The following UNC5D variants were observed in gnomAD, a reference collection of about 807,000 sequenced individuals.
The protein encoded by UNC5D is netrin receptor UNC5D.
UNC5D carries 39 observed loss-of-function variants against 105.4 expected under a neutral mutation model. The observed-to-expected ratio is 0.37, with a 90% confidence interval of 0.29 to 0.48. The LOEUF is 0.48. Among genes scored for constraint, UNC5D ranks in the 20% least tolerant of loss-of-function variants. The pLI, the probability that UNC5D is intolerant of heterozygous loss-of-function variation, is 0.98. For synonymous variants in UNC5D, 452 were observed against 450.4 expected (o/e 1.00, Z -0.04); for missense variants, 991 against 1,202.4 (o/e 0.82, Z 2.60).
At chr8:35,475,526 C>T (rs1033790908) in intron 1 of UNC5D, among the ~76,000 whole-genome samples, 1 of 152,150 alleles carries the variant, frequency 6.6e-6, no homozygotes, top group Non-Finnish European at 1.5e-5. Context: ...TGTAGTCTTT[C>T]CCAGGGATTT....
At chr8:35,775,801 T>G (rs1802219336) in intron 16 of UNC5D, among the ~76,000 whole-genome samples, 1 of 152,128 alleles carries the variant, frequency 6.6e-6, no homozygotes, top group Non-Finnish European at 1.5e-5. Flanking sequence ...AACGAAGGGC[T>G]CAACTAGAAA....
At chr8:35,510,165 C>T (rs755094845) in intron 1 of UNC5D, among the ~76,000 whole-genome samples, 2 of 152,016 alleles carry the variant, frequency 1.3e-5, no homozygotes, top group Non-Finnish European at 2.9e-5. Context: ...TTCATTCCCT[C>T]TCTCCTCCCC....
At chr8:35,648,742 A>C (rs1159457883) in intron 4 of UNC5D, among the ~76,000 whole-genome samples, 6 of 151,182 alleles carry the variant, frequency 4.0e-5, no homozygotes, top group Non-Finnish European at 8.8e-5. Context: ...GTCAATAGTG[A>C]GATAGTTTGC....
At chr8:35,594,336 C>A (rs1484671625) in intron 3 of UNC5D, among the ~76,000 whole-genome samples, 1 of 152,132 alleles carries the variant, frequency 6.6e-6, no homozygotes, top group African/African-American at 2.4e-5. Flanking sequence ...TTGCTAAAGG[C>A]AAGTTTAATG....
At chr8:35,771,167 A>C (rs1188801653) in intron 15 of UNC5D, among the ~76,000 whole-genome samples, 1 of 152,206 alleles carries the variant, frequency 6.6e-6, no homozygotes, top group African/African-American at 2.4e-5. Flanking sequence ...ATCTCATATA[A>C]TACTTTATTC....
chr8:35,455,042 A>G (rs921661235), intron 1 of UNC5D, among the ~76,000 whole-genome samples: 1 of 152,136 alleles, frequency 6.6e-6, no homozygotes, highest in Non-Finnish European at 1.5e-5. Context: ...TTGACAATCT[A>G]GTAGATGGAA....
intron 7 of UNC5D, among the ~76,000 whole-genome samples, chr8:35,687,557 T>G (rs998119064): frequency 2.0e-5 from 3 of 152,064 alleles, no homozygotes; most frequent in African/African-American, 7.2e-5. Context: ...GTTTCAAAAT[T>G]CCCAAGTCTT....
chr8:35,419,749 A>G (rs1370222020), intron 1 of UNC5D, among the ~76,000 whole-genome samples: 1 of 152,132 alleles, frequency 6.6e-6, no homozygotes, highest in Non-Finnish European at 1.5e-5. Flanking sequence ...GTGAGAAGGG[A>G]GGATCACAGT....
chr8:35,289,247 TA>T (rs1314595562), intron 1 of UNC5D, among the ~76,000 whole-genome samples: 2 of 151,920 alleles, frequency 1.3e-5, no homozygotes, highest in African/African-American at 4.8e-5. Context: ...TAAAAAACAA[TA>T]AAAAGAGACA....
chr8:35,495,551 C>A (rs1200540031), intron 1 of UNC5D, among the ~76,000 whole-genome samples: 4 of 150,430 alleles, frequency 2.7e-5, no homozygotes, highest in Non-Finnish European at 4.4e-5. Context: ...AGCTGTCCTG[C>A]AGGTTGTGGG....
At chr8:35,239,291 A>G (rs370695531) in intron 1 of UNC5D, among the ~76,000 whole-genome samples, 1 of 152,150 alleles carries the variant, frequency 6.6e-6, no homozygotes, top group African/African-American at 2.4e-5. Context: ...TCAGGACTGG[A>G]TGACTGAATC....
chr8:35,385,462 CTTTTT>C (rs33929902), intron 1 of UNC5D, among the ~76,000 whole-genome samples: 9 of 84,634 alleles, frequency 1.1e-4, no homozygotes, highest in Admixed American at 3.9e-4. Flanking sequence ...CTACCTACCT[CTTTTT>C]TTTTTTTTTT....
At chr8:35,686,522 G>GGTTTTTTTTTTTT in intron 6 of UNC5D, 23 bp from the exon 7 acceptor site, 1 of 1,541,110 alleles carries the variant, frequency 6.5e-7, no homozygotes, top group Non-Finnish European at 8.7e-7. Context: ...TCTAACAATG[G>GGTTTTTTTTTTTT]TTTCTTTTGT....
intron 1 of UNC5D, among the ~76,000 whole-genome samples, chr8:35,339,413 C>T (rs756250137): frequency 6.6e-6 from 1 of 152,156 alleles, no homozygotes; most frequent in Non-Finnish European, 1.5e-5. Flanking sequence ...TGTAGTGGGA[C>T]TCATTTATTT....
chr8:35,240,097 G>A (rs560208578), intron 1 of UNC5D, among the ~76,000 whole-genome samples: 12 of 152,038 alleles, frequency 7.9e-5, no homozygotes, highest in African/African-American at 2.7e-4. Flanking sequence ...CATCACACCC[G>A]GCTCAGTAAT....
Position 35,790,629 on chromosome 8 carries a change from G to A in UNC5D, c.*66G>A. 6.4e-7 allele frequency: 1 copy of A among 1,559,742 alleles called. No individual in the cohort carries two copies. ...GACATTTGCTTTAAATGGGAAAGAGGCCGCTTTCTGCCCAGTGGCGTTGGG... is the reference window on the plus strand; with the variant it reads ...GACATTTGCTTTAAATGGGAAAGAGACCGCTTTCTGCCCAGTGGCGTTGGG... On this transcript the variant is annotated 3_prime_UTR_variant, in exon 17 of 17. Coordinates refer to ENST00000404895, the MANE Select transcript of UNC5D (RefSeq NM_080872.4).
At chr8:35,276,462 G>A (rs1196024161) in intron 1 of UNC5D, among the ~76,000 whole-genome samples, 1 of 152,182 alleles carries the variant, frequency 6.6e-6, no homozygotes, top group Non-Finnish European at 1.5e-5. Context: ...CATAGGCTGA[G>A]CATTTGTCAG....
intron 1 of UNC5D, among the ~76,000 whole-genome samples, chr8:35,459,595 A>G (rs1478976076): frequency 6.6e-6 from 1 of 152,204 alleles, no homozygotes; most frequent in Admixed American, 6.5e-5. Flanking sequence ...AGAATTAAGA[A>G]GATTCATAGC....
intron 2 of UNC5D, among the ~76,000 whole-genome samples, chr8:35,566,497 C>T (rs1468817077): frequency 6.6e-6 from 1 of 152,162 alleles, no homozygotes; most frequent in Non-Finnish European, 1.5e-5. Flanking sequence ...CATGTATTAA[C>T]CTTATTGCCA....
Sources: allele counts gnomAD v4.1 joint callset (sites outside exome capture counted in the v4.1 genomes callset), GRCh38; gene constraint gnomAD v4.1.1; transcripts MANE v1.5; gene names NCBI Gene and HGNC (gene_info 2026-07-23, HGNC 2026-07-21).